Variants in RABGAP1L observed in about 807,000 individuals in gnomAD.
RABGAP1L encodes rab GTPase-activating protein 1-like.
RABGAP1L carries 63 observed loss-of-function variants against 137.7 expected under a neutral mutation model. The ratio of observed to expected loss-of-function variants is 0.46; its 90% CI spans 0.37 to 0.56. The LOEUF (loss-of-function observed/expected upper bound fraction) is 0.56, where lower values mean the gene tolerates loss of function less well. Ranked by LOEUF, RABGAP1L falls within the 20% of genes least tolerant of loss-of-function variation. RABGAP1L has a pLI of 0.00. For synonymous variants in RABGAP1L, 431 were observed against 433.7 expected (o/e 0.99, Z 0.08); for missense variants, 1,095 against 1,244.0 (o/e 0.88, Z 1.80).
intron 13 of RABGAP1L, among the ~76,000 whole-genome samples, chr1:174,588,453 C>T (rs1669295933): frequency 6.6e-6 from 1 of 152,182 alleles, no homozygotes; most frequent in Non-Finnish European, 1.5e-5. Flanking sequence ...GCATGAGCCA[C>T]CACGCCTGGC....
rs533715127 is a variant in RABGAP1L, at chr1:174,992,826, T to C, written c.*2825T>C. 2 of 152,358 alleles carry C rather than the reference T, an allele frequency of 1.3e-5. No individual in the cohort carries two copies. The highest frequency in any genetic ancestry group is 2.9e-5 in the Non-Finnish European group (2 of 68,032). 9.4% of individuals were successfully genotyped at this position (152,358 alleles called of 1,614,324 possible). ...AGTTATTTTGAGATATATTTGAGAATTGCATCTCTTCTCTTGAATTTCACT... is the reference window on the plus strand; with the variant it reads ...AGTTATTTTGAGATATATTTGAGAACTGCATCTCTTCTCTTGAATTTCACT... On this transcript the variant is annotated 3_prime_UTR_variant, in exon 26 of 26. Transcript: ENST00000681986.
intron 11 of RABGAP1L, among the ~76,000 whole-genome samples, chr1:174,321,019 C>G (rs961869301): frequency 1.3e-5 from 2 of 152,092 alleles, no homozygotes; most frequent in African/African-American, 4.8e-5. Context: ...TTTTTCTCAG[C>G]AAGGAACAGC....
At chr1:174,524,207 G>GTTTTTT (rs943176714) in intron 13 of RABGAP1L, among the ~76,000 whole-genome samples, 6 of 149,648 alleles carry the variant, frequency 4.0e-5, no homozygotes, top group Non-Finnish European at 1.5e-5. Flanking sequence ...TGTTGTTGTT[G>GTTTTTT]TTTTTTTAAG....
At chr1:174,376,125 A>G (rs150192985) in intron 12 of RABGAP1L, among the ~76,000 whole-genome samples, 22 of 151,296 alleles carry the variant, frequency 1.5e-4, no homozygotes, top group African/African-American at 5.3e-4. Flanking sequence ...AGAAAGACAG[A>G]GAGAGATAGA....
chr1:174,794,338 T>G (rs1401196266), intron 18 of RABGAP1L, among the ~76,000 whole-genome samples: 1 of 152,238 alleles, frequency 6.6e-6, no homozygotes, highest in Non-Finnish European at 1.5e-5. Context: ...AAGTTCTTTT[T>G]GTCTTTCTAA....
chr1:174,297,534 A>T (rs532304380), intron 10 of RABGAP1L, among the ~76,000 whole-genome samples: 1 of 152,168 alleles, frequency 6.6e-6, no homozygotes, highest in Non-Finnish European at 1.5e-5. Flanking sequence ...CGGCCCTTGC[A>T]CCTGGCTGTC....
At chr1:174,196,960 G>A (rs1667736606) in intron 1 of RABGAP1L, among the ~76,000 whole-genome samples, 1 of 152,082 alleles carries the variant, frequency 6.6e-6, no homozygotes, top group Non-Finnish European at 1.5e-5. Flanking sequence ...TATAACAAAG[G>A]TAGATATAGA....
chr1:174,515,750 G>A (rs927149552), intron 13 of RABGAP1L, among the ~76,000 whole-genome samples: 2 of 152,072 alleles, frequency 1.3e-5, no homozygotes, highest in Non-Finnish European at 2.9e-5. Flanking sequence ...CATATTTACT[G>A]ACCCATAGTT....
At chr1:174,328,718 C>T (rs553424301) in intron 11 of RABGAP1L, among the ~76,000 whole-genome samples, 12 of 152,084 alleles carry the variant, frequency 7.9e-5, no homozygotes, top group South Asian at 4.2e-4. Flanking sequence ...TGCAGTGAGC[C>T]GAGATCATGC....
intron 13 of RABGAP1L, among the ~76,000 whole-genome samples, chr1:174,431,081 A>G (rs1283290191): frequency 6.6e-6 from 1 of 152,170 alleles, no homozygotes; most frequent in African/African-American, 2.4e-5. Context: ...TTTTAATTAA[A>G]AATGAATGTG....
At chr1:174,563,380 A>G (rs559889252) in intron 13 of RABGAP1L, among the ~76,000 whole-genome samples, 1 of 152,308 alleles carries the variant, frequency 6.6e-6, no homozygotes, top group South Asian at 2.1e-4. Context: ...AATATAGTAC[A>G]TTAATTAAAA....
intron 11 of RABGAP1L, among the ~76,000 whole-genome samples, chr1:174,349,035 C>A (rs1682740395): frequency 7.0e-6 from 1 of 142,192 alleles, no homozygotes; most frequent in African/African-American, 2.5e-5. Context: ...GACAGGGCGG[C>A]TGGCCGGGCG....
At chr1:174,283,148 G>C (rs1675724366) in intron 10 of RABGAP1L, among the ~76,000 whole-genome samples, 1 of 151,878 alleles carries the variant, frequency 6.6e-6, no homozygotes, top group South Asian at 2.1e-4. Context: ...CACACTGGTA[G>C]TCCCAGTACT....
chr1:174,343,625 GATTTA>G (rs891997857), intron 11 of RABGAP1L, among the ~76,000 whole-genome samples: 23 of 152,182 alleles, frequency 1.5e-4, no homozygotes, highest in African/African-American at 5.1e-4. Context: ...TTCTGTCAGA[GATTTA>G]ATTTGACAAT....
At chr1:174,287,679 G>C (rs546599979) in intron 10 of RABGAP1L, among the ~76,000 whole-genome samples, 21 of 152,098 alleles carry the variant, frequency 1.4e-4, no homozygotes, top group African/African-American at 4.8e-4. Context: ...TTTTATTACA[G>C]ACAGGGTTTC....
intron 13 of RABGAP1L, among the ~76,000 whole-genome samples, chr1:174,414,397 G>A (rs1650302631): frequency 6.6e-6 from 1 of 152,016 alleles, no homozygotes; most frequent in Non-Finnish European, 1.5e-5. Context: ...AGATTAGTCT[G>A]CTTTTCGGTT....
intron 17 of RABGAP1L, among the ~76,000 whole-genome samples, chr1:174,738,327 G>A (rs1683121391): frequency 6.6e-6 from 1 of 152,190 alleles, no homozygotes; most frequent in Non-Finnish European, 1.5e-5. Flanking sequence ...AATTTCAGGG[G>A]TAGAAGCAGG....
intron 19 of RABGAP1L, among the ~76,000 whole-genome samples, chr1:174,872,188 T>C (rs558481656): frequency 1.2e-3 from 183 of 152,152 alleles, no homozygotes; most frequent in African/African-American, 4.2e-3. Context: ...TCTGAGGTTT[T>C]GAATTTTCCT....
chr1:174,986,726 C>A (rs1377682385), intron 24 of RABGAP1L, among the ~76,000 whole-genome samples: 3 of 152,190 alleles, frequency 2.0e-5, no homozygotes, highest in Non-Finnish European at 1.5e-5. Context: ...TGTTGAATCG[C>A]TTTCTGCTTA....
Sources: allele counts gnomAD v4.1 joint callset (sites outside exome capture counted in the v4.1 genomes callset), GRCh38; gene constraint gnomAD v4.1.1; transcripts MANE v1.5; gene names NCBI Gene and HGNC (gene_info 2026-07-23, HGNC 2026-07-21).